RNF17: variants seen among roughly 807,000 people sequenced by gnomAD.
The protein encoded by RNF17 is ring finger protein 17.
In RNF17, 31 loss-of-function variants were observed where a neutral mutation model predicts 200.5. The ratio of observed to expected loss-of-function variants is 0.15; its 90% confidence interval spans 0.12 to 0.21. RNF17 has a LOEUF of 0.21. Among genes scored for constraint, RNF17 ranks in the 10% least tolerant of loss-of-function variants. RNF17 has a pLI of 1.00. For synonymous variants in RNF17, 606 were observed against 637.8 expected (o/e 0.95, Z 0.75); for missense variants, 1,628 against 1,905.1 (o/e 0.85, Z 2.71).
At chr13:24,797,714 G>GTGTGTGTC (rs1566146975) in intron 11 of RNF17, among the ~76,000 whole-genome samples, 3 of 146,426 alleles carry the variant, frequency 2.0e-5, no homozygotes, top group Non-Finnish European at 4.6e-5. Flanking sequence ...GAGTGTGTGT[G>GTGTGTGTC]TGTGTGTGTG....
At chr13:24,880,708 A>G (rs1029320016), downstream of RNF17, among the ~76,000 whole-genome samples, 1 of 152,146 alleles carries the variant, frequency 6.6e-6, no homozygotes, top group African/African-American at 2.4e-5. Flanking sequence ...GCGGCTTTCT[A>G]GTACATATAC....
chr13:24,843,342 C>A (rs1890865694), intron 19 of RNF17, among the ~76,000 whole-genome samples: 1 of 152,024 alleles, frequency 6.6e-6, no homozygotes, highest in African/African-American at 2.4e-5. Context: ...CAAGGTGAAA[C>A]CCCATCTCTA....
intron 15 of RNF17, among the ~76,000 whole-genome samples, chr13:24,817,301 G>C (rs986688031): frequency 1.3e-5 from 2 of 152,074 alleles, no homozygotes; most frequent in African/African-American, 2.4e-5. Flanking sequence ...CTAGTTATAA[G>C]TCTACTCGGA....
At chr13:24,865,993 T>C (rs1170703070) in intron 29 of RNF17, 151 bp from the exon 30 acceptor site, 1 of 585,488 alleles carries the variant, frequency 1.7e-6, no homozygotes, top group African/African-American at 1.9e-5. Context: ...GGTGAGATTA[T>C]TCAGAACATT....
Position 24,879,189 on chromosome 13 carries a change from T to C in RNF17, c.4776T>C (p.Ala1592=), listed in dbSNP as rs376576510. 23 of 1,610,978 alleles carry C rather than the reference T, an allele frequency of 1.4e-5. No individual in the cohort carries two copies. The East Asian group carries it at 1.8e-4, about 12-fold the overall frequency. ...ACAACTGTATCTTTTAATTTTAGGC[T>C]CCAGCACCAGAACAGATAGTGACAT... ...QGKQLYAVSM[A]PAPEQIVTLY... Residue 1592 remains alanine (A), a splice_region_variant and synonymous_variant, in exon 35 of 36, where the codon GCT becomes GCC. Coordinates refer to ENST00000255324, the MANE Select transcript of RNF17 (RefSeq NM_031277.3).
At chr13:24,749,397 G>A in the RNF17 span, among the ~76,000 whole-genome samples, 1 of 138,346 alleles carries the variant, frequency 7.2e-6, no homozygotes, top group African/African-American at 2.7e-5. Flanking sequence ...CTCCCCTCCC[G>A]GGTTCAAGCA....
intron 15 of RNF17, among the ~76,000 whole-genome samples, chr13:24,822,877 G>T (rs555904231): frequency 6.6e-6 from 1 of 152,276 alleles, no homozygotes; most frequent in African/African-American, 2.4e-5. Flanking sequence ...CAGGATTACT[G>T]CTTACTTCTG....
the RNF17 span, among the ~76,000 whole-genome samples, chr13:24,888,144 G>A: frequency 3.3e-5 from 5 of 152,028 alleles, no homozygotes; most frequent in East Asian, 1.9e-4. Context: ...ATGCAAAAGC[G>A]CATAGAAGAA....
downstream of RNF17, chr13:24,884,296 TGGA>T (rs777438590): frequency 4.3e-6 from 7 of 1,614,032 alleles, no homozygotes; most frequent in South Asian, 1.1e-5. Flanking sequence ...GGTTAAACTA[TGGA>T]GGAGAACACC....
intron 31 of RNF17, among the ~76,000 whole-genome samples, chr13:24,869,077 C>T (rs1420745180): frequency 2.0e-5 from 3 of 151,710 alleles, no homozygotes; most frequent in Admixed American, 6.6e-5. Flanking sequence ...CACCGTGTTC[C>T]ACTTACTATG....
chr13:24,883,859 TG>T (rs1193711316), downstream of RNF17: 2 of 1,269,948 alleles, frequency 1.6e-6, no homozygotes, highest in East Asian at 2.3e-5. Context: ...CCCCCTAATA[TG>T]GGTGTCACAT....
intron 18 of RNF17, among the ~76,000 whole-genome samples, chr13:24,836,671 C>T (rs901216026): frequency 2.6e-5 from 4 of 152,144 alleles, no homozygotes; most frequent in African/African-American, 7.2e-5. Flanking sequence ...GAGAATTCGC[C>T]ATTACCAAGC....
chr13:24,883,925 C>T, downstream of RNF17: 1 of 1,613,732 alleles, frequency 6.2e-7, no homozygotes, highest in Non-Finnish European at 8.5e-7. Context: ...ACAGGTGTCA[C>T]ACTGAGTGGT....
chr13:24,839,730 C>A (rs1890405617), intron 18 of RNF17, among the ~76,000 whole-genome samples: 1 of 152,166 alleles, frequency 6.6e-6, no homozygotes, highest in Non-Finnish European at 1.5e-5. Context: ...CAAAAATCAA[C>A]TCAAGACTGA....
intron 6 of RNF17, among the ~76,000 whole-genome samples, chr13:24,782,608 G>A (rs1421892642): frequency 4.6e-5 from 7 of 151,346 alleles, no homozygotes; most frequent in African/African-American, 9.7e-5. Flanking sequence ...GCTGAGATGG[G>A]GGGGGGATCT....
chr13:24,756,755 G>T, the RNF17 span, among the ~76,000 whole-genome samples: 6 of 152,182 alleles, frequency 3.9e-5, no homozygotes, highest in Non-Finnish European at 7.4e-5. Context: ...CCATTAGCTA[G>T]AAAACTATTT....
chr13:24,760,115 T>C (rs973968595), upstream of RNF17, among the ~76,000 whole-genome samples: 1 of 152,170 alleles, frequency 6.6e-6, no homozygotes, highest in African/African-American at 2.4e-5. Flanking sequence ...CACGCCAGCC[T>C]GGGTGACAGA....
chr13:24,814,005 C>A (rs1887089398), intron 15 of RNF17, among the ~76,000 whole-genome samples: 1 of 151,876 alleles, frequency 6.6e-6, no homozygotes. Context: ...TACTAATAGC[C>A]TACTGTTGAT....
At chr13:24,841,580 C>T (rs1487851950) in intron 18 of RNF17, among the ~76,000 whole-genome samples, 1 of 152,164 alleles carries the variant, frequency 6.6e-6, no homozygotes, top group Admixed American at 6.5e-5. Flanking sequence ...AAATGCTACT[C>T]TAACTCCTAG....
Sources: gnomAD v4.1 joint callset for allele counts (sites outside exome capture counted in the v4.1 genomes callset) on GRCh38, gnomAD v4.1.1 for gene constraint, MANE v1.5 for transcripts, NCBI Gene and HGNC (gene_info 2026-07-23, HGNC 2026-07-21) for gene names.